TMEM132C: variants seen among roughly 807,000 people sequenced by gnomAD.
TMEM132C encodes protein phosphatase 1, regulatory subunit 152.
Under a neutral mutation model 61.4 loss-of-function variants are expected in TMEM132C, and 29 were observed. The observed-to-expected ratio is 0.47, with a 90% CI of 0.35 to 0.64. TMEM132C has a LOEUF of 0.64. Ranked by LOEUF, TMEM132C falls within the 30% of genes least tolerant of loss-of-function variation. The probability of loss-of-function intolerance (pLI) is 0.00; values close to 1 mark genes in which losing one functional copy is unlikely to be tolerated. For missense variants in TMEM132C, 1,408 were observed against 1,476.9 expected (o/e 0.95, Z 0.76); for synonymous variants, 656 against 633.1 (o/e 1.04, Z -0.54).
At chr12:128,521,364 G>A (rs1189561088) in intron 2 of TMEM132C, among the ~76,000 whole-genome samples, 1 of 149,962 alleles carries the variant, frequency 6.7e-6, no homozygotes, top group African/African-American at 2.5e-5. Context: ...TTAAGTTCTA[G>A]GTATACATGT....
chr12:128,563,992 A>C (rs1381494036), intron 3 of TMEM132C, among the ~76,000 whole-genome samples: 3 of 152,166 alleles, frequency 2.0e-5, no homozygotes, highest in Non-Finnish European at 4.4e-5. Flanking sequence ...TAAATGGCTA[A>C]ACCTTTATTT....
chr12:128,321,590 A>T (rs1362722422), intron 1 of TMEM132C, among the ~76,000 whole-genome samples: 3 of 152,184 alleles, frequency 2.0e-5, no homozygotes, highest in African/African-American at 4.8e-5. Flanking sequence ...TACAACCTAC[A>T]CATGGGAAAA....
chr12:128,442,024 A>T (rs1350071894), intron 2 of TMEM132C, among the ~76,000 whole-genome samples: 1 of 152,082 alleles, frequency 6.6e-6, no homozygotes, highest in Non-Finnish European at 1.5e-5. Flanking sequence ...AATTAAAATT[A>T]AAAAATTAAA....
At chr12:128,616,736 A>T (rs1876814410) in intron 4 of TMEM132C, among the ~76,000 whole-genome samples, 1 of 152,262 alleles carries the variant, frequency 6.6e-6, no homozygotes, top group Middle Eastern at 3.4e-3. Flanking sequence ...TTTCCTTAGG[A>T]TGATGGAGCT....
At chr12:128,679,339 T>G (rs1462160625) in intron 5 of TMEM132C, among the ~76,000 whole-genome samples, 2 of 152,212 alleles carry the variant, frequency 1.3e-5, no homozygotes, top group Non-Finnish European at 2.9e-5. Context: ...CAACCTGACA[T>G]CTCAGTAACT....
chr12:128,642,146 T>C (rs1484613676), intron 4 of TMEM132C, among the ~76,000 whole-genome samples: 3 of 151,734 alleles, frequency 2.0e-5, no homozygotes, highest in African/African-American at 4.8e-5. Context: ...TATTTTGTTT[T>C]ATTGGAGATA....
At chr12:128,479,845 G>A (rs1278096642) in intron 2 of TMEM132C, among the ~76,000 whole-genome samples, 1 of 152,196 alleles carries the variant, frequency 6.6e-6, no homozygotes, top group Admixed American at 6.5e-5. Flanking sequence ...TCCATCTCAT[G>A]TGAGTATTGT....
At chr12:128,392,770 A>T (rs1874809552) in intron 1 of TMEM132C, among the ~76,000 whole-genome samples, 1 of 147,390 alleles carries the variant, frequency 6.8e-6, no homozygotes, top group South Asian at 2.3e-4. Context: ...ACTAACACTA[A>T]TGATAGCTGA....
At chr12:128,359,178 G>A (rs1002983589) in intron 1 of TMEM132C, among the ~76,000 whole-genome samples, 1 of 152,188 alleles carries the variant, frequency 6.6e-6, no homozygotes, top group Admixed American at 6.5e-5. Context: ...GTATGAGTGT[G>A]TTCTCCTGCT....
intron 1 of TMEM132C, among the ~76,000 whole-genome samples, chr12:128,319,719 G>A (rs893942599): frequency 2.5e-4 from 38 of 152,024 alleles, no homozygotes; most frequent in African/African-American, 8.9e-4. Flanking sequence ...CCAGCTGCTC[G>A]GGAGGCTGAG....
rs540395209 is a variant in TMEM132C, at chr12:128,586,139, G to C, written c.1122-30013G>C. 8.5e-5 allele frequency among the ~76,000 whole-genome samples: 13 copies of C among 152,240 alleles called. No individual in the cohort carries two copies. The East Asian group carries it at 2.5e-3, about 29-fold the overall frequency. On this transcript the variant is annotated intron_variant, in intron 3 of 8. Coordinates refer to ENST00000435159, the MANE Select transcript of TMEM132C (RefSeq NM_001136103.3). The stretch of plus-strand genomic sequence containing the variant: ...GCGGATCTCTGGGAAGCTCTACAGT[G>C]GGAGGGGATTTGAGGAATTAAGGGT...
chr12:128,517,963 T>C (rs1872771011), intron 2 of TMEM132C, among the ~76,000 whole-genome samples: 1 of 152,176 alleles, frequency 6.6e-6, no homozygotes, highest in South Asian at 2.1e-4. Context: ...AATAGACCTG[T>C]AGAGCCAGGA....
chr12:128,563,369 G>A (rs1443937289), intron 3 of TMEM132C, among the ~76,000 whole-genome samples: 1 of 152,162 alleles, frequency 6.6e-6, no homozygotes, highest in Non-Finnish European at 1.5e-5. Flanking sequence ...AGCAAGGTGA[G>A]GGCTCAACTG....
intron 4 of TMEM132C, among the ~76,000 whole-genome samples, chr12:128,628,905 C>T (rs1229367199): frequency 6.6e-6 from 1 of 152,210 alleles, no homozygotes; most frequent in African/African-American, 2.4e-5. Flanking sequence ...ACATTAAAAG[C>T]TGTCAGCCTT....
rs1163950762 is a variant in TMEM132C, at chr12:128,267,383, G to A, written c.-20G>A. The A allele has an allele frequency of 1.1e-5, 12 of 1,121,240 alleles. No individual in the cohort carries two copies. Among genetic ancestry groups the A allele is most frequent in the Non-Finnish European group, 1.3e-5 (12 of 918,304 alleles). 69.5% of individuals were successfully genotyped at this position (1,121,240 alleles called of 1,614,324 possible). A position where few individuals can be genotyped will look rare whatever the true frequency, so the allele number is the denominator to read the frequency against. The stretch of plus-strand genomic sequence containing the variant: ...GCGCTTCGGGCTGGCGGCGGGCTGC[G>A]TGAGCGGCCGGGACGCAGGATGCGC... On this transcript the variant is annotated 5_prime_UTR_variant, in exon 1 of 9. In the 5' UTR this introduces an upstream ATG that the reference lacks. Transcript: ENST00000435159.
rs1429909346 is a variant in TMEM132C at position 128,616,026 on chromosome 12, C to G, written c.1122-126C>G. 3 of 1,201,096 alleles carry G rather than the reference C, an allele frequency of 2.5e-6. No homozygotes were observed. The African/African-American group carries it at 4.6e-5, about 19-fold the overall frequency. 74.4% of individuals were successfully genotyped at this position (1,201,096 alleles called of 1,614,324 possible). A position where few individuals can be genotyped will look rare whatever the true frequency, so the allele number is the denominator to read the frequency against. ...AGGTGGTTCCATGCCCCAGGATCCC[C>G]CACCAAAACCCTGGAGCCATCCCTG... On this transcript the variant is annotated intron_variant, in intron 3 of 8. Transcript: ENST00000435159.
intron 4 of TMEM132C, among the ~76,000 whole-genome samples, chr12:128,634,529 C>G (rs1954086508): frequency 6.6e-6 from 1 of 152,216 alleles, no homozygotes; most frequent in Non-Finnish European, 1.5e-5. Context: ...CCAACACTAA[C>G]CCAAACAAAT....
chr12:128,427,388 G>GTC lies in TMEM132C; in HGVS notation c.974+11769_974+11770insCT, dbSNP rs1491386918. 1.8e-4 allele frequency among the ~76,000 whole-genome samples: 5 copies of GTC among 27,236 alleles called. No homozygotes were observed. In the South Asian group the frequency reaches 6.3e-3, roughly 34 times the overall value. 17.9% of individuals were successfully genotyped at this position (27,236 alleles called of 152,430 possible). ...CCTTTTAGTTTCTACTTCCAAAGGG[G>GTC]TGTGTGTGTGTGTGTGTGTGTGTGT... is the stretch of plus-strand genomic sequence containing the variant. On this transcript the variant is annotated intron_variant, in intron 2 of 8. Transcript: ENST00000435159.
intron 1 of TMEM132C, among the ~76,000 whole-genome samples, chr12:128,328,310 A>G (rs772358953): frequency 2.8e-4 from 43 of 152,156 alleles, no homozygotes; most frequent in Non-Finnish European, 6.0e-4. Flanking sequence ...AAAAATATCC[A>G]TCATCTATGG....
Sources: allele counts gnomAD v4.1 joint callset (sites outside exome capture counted in the v4.1 genomes callset), GRCh38; gene constraint gnomAD v4.1.1; transcripts MANE v1.5; gene names NCBI Gene and HGNC (gene_info 2026-07-23, HGNC 2026-07-21).